The following KCNAB1 variants were observed in gnomAD, a reference collection of about 807,000 sequenced individuals.
KCNAB1 encodes the protein potassium voltage-gated channel subfamily A regulatory beta subunit 1.
Under a neutral mutation model 64.6 loss-of-function variants are expected in KCNAB1, and 35 were observed. The observed-to-expected ratio is 0.54, with a 90% CI of 0.41 to 0.72. The LOEUF is 0.72. KCNAB1 is among the 30% of genes least tolerant of loss of function. The probability of loss-of-function intolerance (pLI) is 0.00; values close to 1 mark genes in which losing one functional copy is unlikely to be tolerated. For missense variants in KCNAB1, 401 were observed against 512.9 expected (o/e 0.78, Z 2.11); for synonymous variants, 177 against 183.8 (o/e 0.96, Z 0.30).
intron 2 of KCNAB1, among the ~76,000 whole-genome samples, chr3:156,437,245 A>AT (rs1399708035): frequency 3.3e-5 from 5 of 152,116 alleles, no homozygotes; most frequent in Non-Finnish European, 5.9e-5. Flanking sequence ...AAAACAGTGG[A>AT]TTTTCAGTTA....
intron 1 of KCNAB1, among the ~76,000 whole-genome samples, chr3:156,347,585 A>T (rs917536019): frequency 7.0e-6 from 1 of 142,120 alleles, no homozygotes; most frequent in Admixed American, 6.6e-5. Context: ...TGCCCATTAT[A>T]GTATGTTATT....
At chr3:156,239,234 T>G (rs1298118335) in intron 1 of KCNAB1, among the ~76,000 whole-genome samples, 1 of 152,264 alleles carries the variant, frequency 6.6e-6, no homozygotes, top group Admixed American at 6.5e-5. Flanking sequence ...AAAATTTGTC[T>G]TTCTGCTTCT....
At chr3:156,489,463 T>A (rs947639875) in intron 8 of KCNAB1, among the ~76,000 whole-genome samples, 2 of 152,106 alleles carry the variant, frequency 1.3e-5, no homozygotes, top group African/African-American at 4.8e-5. Flanking sequence ...CTGAACATTG[T>A]CTATTGGTGT....
chr3:156,374,381 C>CTTAAATCCCCTCCTGGGTTTAAG (rs1560224179), intron 1 of KCNAB1, among the ~76,000 whole-genome samples: 4 of 137,682 alleles, frequency 2.9e-5, no homozygotes, highest in South Asian at 2.2e-4. Flanking sequence ...CTAATTTTGG[C>CTTAAATCCCCTCCTGGGTTTAAG]CATGAATTCC....
At chr3:156,158,715 T>G (rs973911268) in intron 1 of KCNAB1, among the ~76,000 whole-genome samples, 1 of 152,210 alleles carries the variant, frequency 6.6e-6, no homozygotes, top group Admixed American at 6.5e-5. Flanking sequence ...TGATAATGGC[T>G]TCATTCTCAG....
intron 1 of KCNAB1, among the ~76,000 whole-genome samples, chr3:156,300,004 C>G (rs1263928545): frequency 6.6e-6 from 1 of 152,004 alleles, no homozygotes; most frequent in Non-Finnish European, 1.5e-5. Context: ...CTCCAACAGT[C>G]AAGTCAGGGA....
intron 8 of KCNAB1, among the ~76,000 whole-genome samples, chr3:156,481,869 G>A (rs535593184): frequency 6.6e-6 from 1 of 152,110 alleles, no homozygotes; most frequent in African/African-American, 2.4e-5. Context: ...TTAACAATGT[G>A]GTTACAGCAC....
chr3:156,427,222 G>A (rs1342038903), intron 2 of KCNAB1, among the ~76,000 whole-genome samples: 2 of 152,208 alleles, frequency 1.3e-5, no homozygotes, highest in African/African-American at 4.8e-5. Flanking sequence ...AGACAGCACT[G>A]TTGGGGAGTG....
chr3:156,289,676 G>T (rs1720288917), intron 1 of KCNAB1, among the ~76,000 whole-genome samples: 1 of 152,166 alleles, frequency 6.6e-6, no homozygotes, highest in African/African-American at 2.4e-5. Context: ...ATTTTTTAAA[G>T]TAAAGTGTGG....
intron 1 of KCNAB1, among the ~76,000 whole-genome samples, chr3:156,127,075 G>T (rs1280637011): frequency 2.6e-5 from 4 of 152,144 alleles, no homozygotes; most frequent in African/African-American, 4.8e-5. Flanking sequence ...ATGAAATGAT[G>T]TAAATCATCT....
intron 1 of KCNAB1, among the ~76,000 whole-genome samples, chr3:156,153,959 A>G (rs944869385): frequency 2.6e-5 from 4 of 152,152 alleles, no homozygotes; most frequent in Admixed American, 6.5e-5. Context: ...CTATCTATCC[A>G]TTTATCTATG....
intron 8 of KCNAB1, among the ~76,000 whole-genome samples, chr3:156,485,974 G>C (rs543475645): frequency 6.6e-6 from 1 of 151,782 alleles, no homozygotes; most frequent in Non-Finnish European, 1.5e-5. Flanking sequence ...ACTGTTTTCC[G>C]AGGGCCCAGG....
chr3:156,410,569 T>C (rs1370593999), intron 1 of KCNAB1, among the ~76,000 whole-genome samples: 1 of 152,208 alleles, frequency 6.6e-6, no homozygotes, highest in Admixed American at 6.5e-5. Context: ...AAAGTCATGC[T>C]ATTGCCCATT....
chr3:156,235,643 GA>G (rs1476228013), intron 1 of KCNAB1, among the ~76,000 whole-genome samples: 1 of 152,162 alleles, frequency 6.6e-6, no homozygotes, highest in Non-Finnish European at 1.5e-5. Flanking sequence ...ATACATTAAA[GA>G]AATATTAGCG....
intron 1 of KCNAB1, among the ~76,000 whole-genome samples, chr3:156,131,318 T>G (rs1713983583): frequency 6.6e-6 from 1 of 152,238 alleles, no homozygotes; most frequent in Non-Finnish European, 1.5e-5. Flanking sequence ...GATGTCAGTT[T>G]TAGAGAAAAA....
chr3:156,253,148 A>G (rs1225912312), intron 1 of KCNAB1, among the ~76,000 whole-genome samples: 4 of 152,232 alleles, frequency 2.6e-5, no homozygotes, highest in African/African-American at 4.8e-5. Flanking sequence ...GAAGATACAT[A>G]AAAGGTAGGT....
intron 1 of KCNAB1, among the ~76,000 whole-genome samples, chr3:156,172,892 C>CA (rs2108329036): frequency 6.6e-6 from 1 of 152,340 alleles, no homozygotes; most frequent in African/African-American, 2.4e-5. Flanking sequence ...CCAATCTACC[C>CA]ATGTGGCCCC....
intron 1 of KCNAB1, among the ~76,000 whole-genome samples, chr3:156,177,720 A>G (rs551892248): frequency 1.0e-4 from 15 of 150,418 alleles, no homozygotes; most frequent in Non-Finnish European, 1.5e-5. Context: ...GTGGATCCTC[A>G]TCTCATTTAA....
intron 1 of KCNAB1, among the ~76,000 whole-genome samples, chr3:156,163,390 C>T (rs1003483555): frequency 1.3e-5 from 2 of 152,232 alleles, no homozygotes; most frequent in South Asian, 4.1e-4. Flanking sequence ...GCCACATAGT[C>T]CCCTTACCTT....
Sources: allele counts gnomAD v4.1 joint callset (sites outside exome capture counted in the v4.1 genomes callset), GRCh38; gene constraint gnomAD v4.1.1; transcripts MANE v1.5; gene names NCBI Gene and HGNC (gene_info 2026-07-23, HGNC 2026-07-21).